Variants in RBFOX1 observed in about 807,000 individuals in gnomAD.
RBFOX1 encodes the protein RNA binding protein fox-1 homolog 1.
Under a neutral mutation model 57.7 loss-of-function variants are expected in RBFOX1, and 8 were observed. The ratio of observed to expected loss-of-function variants is 0.14; its 90% CI spans 0.08 to 0.25. The LOEUF (loss-of-function observed/expected upper bound fraction) is 0.25. Ranked by LOEUF, RBFOX1 falls within the 10% of genes least tolerant of loss-of-function variation. RBFOX1 has a pLI of 1.00. For synonymous variants in RBFOX1, 326 were observed against 222.4 expected, an observed-to-expected ratio of 1.47 and a Z score of -4.15; for missense variants, 611 against 548.5, an observed-to-expected ratio of 1.11 and a Z score of -1.14.
intron 2 of RBFOX1, among the ~76,000 whole-genome samples, chr16:5,530,597 T>C (rs866569632): frequency 6.6e-6 from 1 of 152,214 alleles, no homozygotes; most frequent in East Asian, 1.9e-4. Flanking sequence ...ATTCTGTTGT[T>C]GGGGTGATAT....
chr16:6,521,353 C>A (rs2096493381), intron 2 of RBFOX1, among the ~76,000 whole-genome samples: 1 of 151,906 alleles, frequency 6.6e-6, no homozygotes, highest in African/African-American at 2.4e-5. Context: ...AATTGCATTT[C>A]TCCTCCTCAT....
chr16:6,777,955 C>A (rs1161403076), intron 3 of RBFOX1, among the ~76,000 whole-genome samples: 1 of 152,112 alleles, frequency 6.6e-6, no homozygotes, highest in Admixed American at 6.5e-5. Flanking sequence ...GTGGTAATAT[C>A]TGAATGTGAG....
intron 3 of RBFOX1, among the ~76,000 whole-genome samples, chr16:6,774,366 A>G (rs1036275546): frequency 6.6e-6 from 1 of 152,182 alleles, no homozygotes; most frequent in South Asian, 2.1e-4. Flanking sequence ...CCAAGTCTAC[A>G]CAGGCATAAC....
intron 1 of RBFOX1, among the ~76,000 whole-genome samples, chr16:5,395,045 C>T (rs1466391374): frequency 6.6e-6 from 1 of 152,204 alleles, no homozygotes; most frequent in Non-Finnish European, 1.5e-5. Flanking sequence ...GTGCTCGACA[C>T]CCTTCAGAAT....
chr16:6,501,843 C>A (rs1317555275), intron 2 of RBFOX1, among the ~76,000 whole-genome samples: 1 of 152,086 alleles, frequency 6.6e-6, no homozygotes, highest in Non-Finnish European at 1.5e-5. Context: ...TCTTGGTTTT[C>A]ACACCCCTCT....
chr16:7,559,689 C>A (rs990494089), intron 5 of RBFOX1, among the ~76,000 whole-genome samples: 1 of 152,220 alleles, frequency 6.6e-6, no homozygotes, highest in Non-Finnish European at 1.5e-5. Context: ...CTTGTGTCTA[C>A]TGTGTGCCCA....
chr16:6,010,738 C>T (rs897979879), intron 4 of RBFOX1, among the ~76,000 whole-genome samples: 1 of 152,192 alleles, frequency 6.6e-6, no homozygotes, highest in African/African-American at 2.4e-5. Context: ...CAAACGGTAT[C>T]CGTTAGATGT....
At chr16:5,242,078 C>T (rs980296069) in intron 1 of RBFOX1, among the ~76,000 whole-genome samples, 1 of 152,072 alleles carries the variant, frequency 6.6e-6, no homozygotes, top group African/African-American at 2.4e-5. Flanking sequence ...CATGCCACTG[C>T]ACTCCAGTCT....
At chr16:5,423,735 A>G (rs900573260) in intron 1 of RBFOX1, among the ~76,000 whole-genome samples, 5 of 152,136 alleles carry the variant, frequency 3.3e-5, no homozygotes, top group Non-Finnish European at 7.3e-5. Context: ...TGAGTGGCTC[A>G]TAGAATCATC....
At chr16:7,674,552 C>T (rs2072673828) in intron 13 of RBFOX1, among the ~76,000 whole-genome samples, 1 of 152,196 alleles carries the variant, frequency 6.6e-6, no homozygotes, top group Non-Finnish European at 1.5e-5. Flanking sequence ...ATCAGGAATG[C>T]TCACAAGCAA....
intron 2 of RBFOX1, among the ~76,000 whole-genome samples, chr16:6,368,829 A>G (rs910143121): frequency 3.3e-5 from 5 of 152,200 alleles, no homozygotes; most frequent in Non-Finnish European, 7.3e-5. Context: ...AGGTTAAAAG[A>G]AAAACCCAGA....
intron 1 of RBFOX1, among the ~76,000 whole-genome samples, chr16:6,263,798 C>T (rs2097716309): frequency 6.6e-6 from 1 of 152,190 alleles, no homozygotes; most frequent in Non-Finnish European, 1.5e-5. Context: ...ACATTGGAAG[C>T]ACCACTCCAT....
chr16:6,046,164 T>C (rs1279140656), intron 1 of RBFOX1, among the ~76,000 whole-genome samples: 1 of 152,160 alleles, frequency 6.6e-6, no homozygotes, highest in African/African-American at 2.4e-5. Flanking sequence ...GAGATGAAGA[T>C]GTCAAAAGTG....
At chr16:6,258,852 T>A (rs2097684745) in intron 1 of RBFOX1, among the ~76,000 whole-genome samples, 1 of 152,114 alleles carries the variant, frequency 6.6e-6, no homozygotes, top group African/African-American at 2.4e-5. Flanking sequence ...CATGCCTGTA[T>A]CAAAACATCT....
intron 3 of RBFOX1, among the ~76,000 whole-genome samples, chr16:6,654,931 T>C (rs536586977): frequency 3.3e-5 from 5 of 152,138 alleles, no homozygotes; most frequent in Non-Finnish European, 5.9e-5. Context: ...GAAAATACTT[T>C]AACACTTGTC....
intron 4 of RBFOX1, among the ~76,000 whole-genome samples, chr16:7,219,051 C>T (rs1333029321): frequency 1.3e-5 from 2 of 152,132 alleles, no homozygotes; most frequent in African/African-American, 4.8e-5. Context: ...CAAAGCACGC[C>T]TTTGTAAATG....
intron 5 of RBFOX1, among the ~76,000 whole-genome samples, chr16:7,548,198 A>C (rs2085172525): frequency 6.6e-6 from 1 of 152,132 alleles, no homozygotes. Context: ...TGAGACAGAG[A>C]GTCCCATCTG....
rs184287132 is a variant in RBFOX1 at position 5,467,300 on chromosome 16, T to G, written c.258+46T>G. 1.7e-4 allele frequency: 250 copies of G among 1,446,800 alleles called. 1 individual carries two copies. Among genetic ancestry groups the G allele is most frequent in the Admixed American group, 1.3e-3 (63 of 49,158 alleles). 89.6% of individuals were successfully genotyped at this position (1,446,800 alleles called of 1,614,324 possible). ...GACTTAGGATGTCTGTGAAGTCTAG[T>G]GGAAATGAAAGCAATAGAAAAATCT... is the stretch of plus-strand genomic sequence containing the variant. On this transcript the variant is annotated intron_variant, in intron 2 of 2. Coordinates refer to the RBFOX1 transcript ENST00000585867.
intron 1 of RBFOX1, among the ~76,000 whole-genome samples, chr16:5,260,133 G>C (rs533893829): frequency 1.3e-5 from 2 of 152,310 alleles, no homozygotes; most frequent in South Asian, 4.1e-4. Flanking sequence ...CCTGGGAGGT[G>C]GAGGTTTGGT....
Sources: gnomAD v4.1 joint callset for allele counts (sites outside exome capture counted in the v4.1 genomes callset) on GRCh38, gnomAD v4.1.1 for gene constraint, MANE v1.5 for transcripts, NCBI Gene and HGNC (gene_info 2026-07-23, HGNC 2026-07-21) for gene names.